The following TCERG1 variants were observed in gnomAD, a reference collection of about 807,000 sequenced individuals.
The protein encoded by TCERG1 is TATA box binding protein (TBP)-associated factor, RNA polymerase II, S, 150kD.
A neutral mutation model predicts 144.7 loss-of-function variants in TCERG1; 37 were observed. That is an observed-to-expected ratio of 0.26 (90% confidence interval 0.20 to 0.34). The LOEUF is 0.34. TCERG1 is among the 10% of genes least tolerant of loss of function. The pLI, the probability that TCERG1 is intolerant of heterozygous loss-of-function variation, is 1.00. For synonymous variants in TCERG1, 492 were observed against 458.2 expected (o/e 1.07, Z -0.94); for missense variants, 1,027 against 1,380.7 (o/e 0.74, Z 4.06).
intron 19 of TCERG1, among the ~76,000 whole-genome samples, chr5:146,505,000 C>T (rs779412166): frequency 9.3e-5 from 14 of 151,204 alleles, no homozygotes; most frequent in Non-Finnish European, 1.6e-4. Flanking sequence ...GAGCCGAGAT[C>T]GCGCCACTGC....
At chr5:146,496,076 C>T (rs1581545375) in intron 16 of TCERG1, among the ~76,000 whole-genome samples, 1 of 152,210 alleles carries the variant, frequency 6.6e-6, no homozygotes. Flanking sequence ...TTGCTTGAAC[C>T]TGGAGGCGGA....
intron 12 of TCERG1, among the ~76,000 whole-genome samples, chr5:146,480,707 T>G (rs1195277211): frequency 2.0e-5 from 3 of 152,036 alleles, no homozygotes; most frequent in Non-Finnish European, 2.9e-5. Context: ...TTTGAAGACA[T>G]TAACAGGAAC....
At chr5:146,498,797 A>G (rs768429734) in intron 17 of TCERG1, 111 bp downstream of exon 17, 49 of 1,139,914 alleles carry the variant, frequency 4.3e-5, no homozygotes, top group Non-Finnish European at 5.1e-5. Flanking sequence ...TAGGACGTAC[A>G]TGGACTGTTC....
Position 146,497,455 on chromosome 5 carries a change from T to C in TCERG1, c.2283-1081T>C, listed in dbSNP as rs191594330. On this transcript the variant is annotated intron_variant, in intron 16 of 22. Transcript: ENST00000679501. Reference sequence around the variant, plus strand: ...AGCCACTGCACCTGGCCAGTAATAGTTGTTTTAAAGTTATTGTCTACTTAG... The same window carrying C: ...AGCCACTGCACCTGGCCAGTAATAGCTGTTTTAAAGTTATTGTCTACTTAG... Among the ~76,000 whole-genome samples, 20 of 152,320 alleles carry C rather than the reference T, an allele frequency of 1.3e-4. 1 individual carries two copies. The East Asian group carries it at 3.3e-3, about 25-fold the overall frequency.
intron 19 of TCERG1, among the ~76,000 whole-genome samples, chr5:146,505,969 G>A (rs1767955731): frequency 6.6e-6 from 1 of 152,014 alleles, no homozygotes; most frequent in Non-Finnish European, 1.5e-5. Flanking sequence ...TAGAAATGGG[G>A]TTTCGCCATG....
intron 1 of TCERG1, among the ~76,000 whole-genome samples, chr5:146,447,957 T>C (rs1424670990): frequency 2.6e-5 from 4 of 152,246 alleles, no homozygotes; most frequent in African/African-American, 9.6e-5. Context: ...CCTTTTTTCA[T>C]CCCTTTATTC....
chr5:146,456,851 T>C (rs760604806), intron 2 of TCERG1, among the ~76,000 whole-genome samples: 69 of 152,360 alleles, frequency 4.5e-4, no homozygotes, highest in Non-Finnish European at 5.9e-4. Context: ...GACAGTGATG[T>C]GCCTGGTATT....
intron 1 of TCERG1, 75 bp downstream of exon 1, chr5:146,447,483 A>G (rs1761959710): frequency 6.5e-7 from 1 of 1,540,090 alleles, no homozygotes; most frequent in Non-Finnish European, 8.8e-7. Context: ...TGCCATGTGG[A>G]GATCCGGGGC....
At chr5:146,453,483 G>T (rs73315013) in intron 1 of TCERG1, among the ~76,000 whole-genome samples, 3,558 of 152,224 alleles carry the variant, frequency 0.023, 138 homozygotes, top group African/African-American at 0.081. Flanking sequence ...TAAGAATAGA[G>T]ATATTATTTT....
intron 16 of TCERG1, among the ~76,000 whole-genome samples, chr5:146,495,742 T>C (rs1227691205): frequency 1.4e-5 from 2 of 141,326 alleles, no homozygotes; most frequent in African/African-American, 6.0e-5. Flanking sequence ...ACATAATCTT[T>C]GTTTTAACAC....
chr5:146,473,956 C>A (rs1286108758), intron 9 of TCERG1, among the ~76,000 whole-genome samples: 2 of 152,164 alleles, frequency 1.3e-5, no homozygotes, highest in African/African-American at 4.8e-5. Context: ...TTTTGACTTT[C>A]AAGTCTTATT....
At chr5:146,506,008 C>G (rs1331905873) in intron 19 of TCERG1, among the ~76,000 whole-genome samples, 1 of 152,128 alleles carries the variant, frequency 6.6e-6, no homozygotes, top group Non-Finnish European at 1.5e-5. Context: ...AACTCCTGAC[C>G]TCAGGTGATC....
chr5:146,447,335 A>C lies in TCERG1; in HGVS notation c.-15A>C, dbSNP rs1168504950. The stretch of plus-strand genomic sequence containing the variant: ...AGACGTCGGGTCGGCGGGTGGATGA[A>C]CGCGGCCCTCTGTAATGGCGGAGCG... On this transcript the variant is annotated 5_prime_UTR_variant, in exon 1 of 23. Coordinates refer to ENST00000679501, the MANE Select transcript of TCERG1 (RefSeq NM_001382548.1). The C allele has an allele frequency of 5.0e-6, 8 of 1,611,146 alleles. No individual in the cohort carries two copies. The highest frequency in any genetic ancestry group is 6.8e-6 in the Non-Finnish European group (8 of 1,178,902).
chr5:146,476,826 C>T (rs1049423147), intron 9 of TCERG1, among the ~76,000 whole-genome samples: 1 of 152,118 alleles, frequency 6.6e-6, no homozygotes, highest in African/African-American at 2.4e-5. Flanking sequence ...CTCTGTCACC[C>T]AGGCTGGAGT....
At chr5:146,483,210 A>C (rs1765518936) in intron 14 of TCERG1, among the ~76,000 whole-genome samples, 1 of 152,214 alleles carries the variant, frequency 6.6e-6, no homozygotes, top group Admixed American at 6.5e-5. Flanking sequence ...AACATTGTTC[A>C]CAAGATTGGA....
chr5:146,458,765 C>T, intron 3 of TCERG1, 119 bp from the exon 4 acceptor site: 1 of 1,371,410 alleles, frequency 7.3e-7, no homozygotes, highest in Non-Finnish European at 9.9e-7. Flanking sequence ...AGGAATGAGC[C>T]ACCACGCCTG....
intron 1 of TCERG1, among the ~76,000 whole-genome samples, chr5:146,449,188 T>C (rs1762150293): frequency 6.6e-6 from 1 of 152,222 alleles, no homozygotes; most frequent in Non-Finnish European, 1.5e-5. Flanking sequence ...CTTCATGGTG[T>C]GTCTGTCATA....
At chr5:146,454,914 A>G (rs1436609438) in intron 1 of TCERG1, 142 bp from the exon 2 acceptor site, 3 of 868,042 alleles carry the variant, frequency 3.5e-6, no homozygotes, top group African/African-American at 1.7e-5. Flanking sequence ...TGTAGTTTTT[A>G]TCATGACGGT....
At chr5:146,471,324 T>G (rs1180664978) in intron 8 of TCERG1, among the ~76,000 whole-genome samples, 164 bp from the exon 9 acceptor site, 1 of 152,200 alleles carries the variant, frequency 6.6e-6, no homozygotes, top group Non-Finnish European at 1.5e-5. Context: ...TTCAGCTCTT[T>G]CTGGGGGATG....
Sources: allele counts gnomAD v4.1 joint callset (sites outside exome capture counted in the v4.1 genomes callset), GRCh38; gene constraint gnomAD v4.1.1; transcripts MANE v1.5; gene names NCBI Gene and HGNC (gene_info 2026-07-23, HGNC 2026-07-21).